The following UTRN variants were observed in gnomAD, a reference collection of about 807,000 sequenced individuals.
The protein encoded by UTRN is dystrophin-related protein 1.
Under a neutral mutation model 463.9 loss-of-function variants are expected in UTRN, and 283 were observed. The observed-to-expected ratio is 0.61, with a 90% confidence interval of 0.55 to 0.67. The LOEUF (loss-of-function observed/expected upper bound fraction) is 0.67. Ranked by LOEUF, UTRN falls within the 30% of genes least tolerant of loss-of-function variation. The pLI, the probability that UTRN is intolerant of heterozygous loss-of-function variation, is 0.00. For synonymous variants in UTRN, 1,442 were observed against 1,431.5 expected, an observed-to-expected ratio of 1.01 and a Z score of -0.17; for missense variants, 3,922 against 4,084.3, an observed-to-expected ratio of 0.96 and a Z score of 1.08.
chr6:144,521,559 G>A (rs767776019), intron 39 of UTRN, among the ~76,000 whole-genome samples: 149 of 152,148 alleles, frequency 9.8e-4, no homozygotes, highest in Non-Finnish European at 1.6e-3. Flanking sequence ...TATATTTTTA[G>A]CAATGAGGTC....
intron 66 of UTRN, among the ~76,000 whole-genome samples, chr6:144,824,112 A>C (rs1417016972): frequency 7.2e-5 from 11 of 152,104 alleles, no homozygotes; most frequent in Non-Finnish European, 4.4e-5. Flanking sequence ...ATAGTTTCAG[A>C]AACTGGGGTG....
chr6:144,699,857 A>G (rs1467356486), intron 52 of UTRN, among the ~76,000 whole-genome samples: 1 of 148,614 alleles, frequency 6.7e-6, no homozygotes, highest in East Asian at 1.9e-4. Context: ...GTATAAATAT[A>G]TATACTTATG....
intron 61 of UTRN, among the ~76,000 whole-genome samples, chr6:144,786,221 G>T (rs1215303681): frequency 6.6e-6 from 1 of 152,070 alleles, no homozygotes; most frequent in Non-Finnish European, 1.5e-5. Flanking sequence ...CACGTAACCT[G>T]TACAGTTCAG....
chr6:144,611,481 TA>T lies in UTRN; in HGVS notation c.7479+34199del, dbSNP rs1805518632. 4.6e-5 allele frequency among the ~76,000 whole-genome samples: 7 copies of T among 152,170 alleles called. No individual in the cohort carries two copies. In the South Asian group the frequency reaches 1.5e-3, roughly 32 times the overall value. Reference sequence around the variant, plus strand: ...GTATAGAAAACCCTAATGATTCCACTAAAAAACTTCTAGGACTGATTAATAA... The same window carrying T: ...GTATAGAAAACCCTAATGATTCCACTAAAAACTTCTAGGACTGATTAATAA... On this transcript the variant is annotated intron_variant, in intron 51 of 74. Transcript: ENST00000367545.
At chr6:144,608,818 T>A (rs74646586) in intron 51 of UTRN, among the ~76,000 whole-genome samples, 5,767 of 152,234 alleles carry the variant, frequency 0.038, 383 homozygotes, top group African/African-American at 0.13. Context: ...TTTGTTTGGG[T>A]TTGAGAAGAG....
At chr6:144,796,798 C>A (rs1263118372) in intron 63 of UTRN, among the ~76,000 whole-genome samples, 1 of 152,178 alleles carries the variant, frequency 6.6e-6, no homozygotes, top group Non-Finnish European at 1.5e-5. Context: ...GAATTGATGT[C>A]ATGGGTTATT....
intron 2 of UTRN, among the ~76,000 whole-genome samples, chr6:144,307,853 A>G (rs1281180883): frequency 1.3e-5 from 2 of 151,380 alleles, no homozygotes; most frequent in African/African-American, 4.9e-5. Context: ...CTTGGGCTTC[A>G]TCAAGCTCAG....
At chr6:144,477,477 A>G (rs1791339419) in intron 25 of UTRN, among the ~76,000 whole-genome samples, 2 of 152,108 alleles carry the variant, frequency 1.3e-5, no homozygotes, top group South Asian at 4.1e-4. Context: ...CCATCCATTC[A>G]GAGACTTGCT....
At chr6:144,790,985 G>A (rs1442850423) in intron 62 of UTRN, among the ~76,000 whole-genome samples, 1 of 152,124 alleles carries the variant, frequency 6.6e-6, no homozygotes, top group Non-Finnish European at 1.5e-5. Flanking sequence ...TGAAATTTCT[G>A]ATATTTAATT....
At chr6:144,527,146 T>C (rs1796639968) in intron 41 of UTRN, among the ~76,000 whole-genome samples, 1 of 152,184 alleles carries the variant, frequency 6.6e-6, no homozygotes, top group Non-Finnish European at 1.5e-5. Context: ...TTTCTAGGAT[T>C]TGTTTCAAGA....
intron 2 of UTRN, among the ~76,000 whole-genome samples, chr6:144,389,788 A>G (rs1781749539): frequency 6.6e-6 from 1 of 152,078 alleles, no homozygotes; most frequent in Admixed American, 6.5e-5. Flanking sequence ...TGCTAGAGAC[A>G]GGGTTTTACC....
chr6:144,368,639 TG>T (rs1024384414), intron 2 of UTRN, among the ~76,000 whole-genome samples: 1 of 152,026 alleles, frequency 6.6e-6, no homozygotes, highest in Non-Finnish European at 1.5e-5. Context: ...CTGGGTGTGG[TG>T]GTGCACGCCT....
At chr6:144,361,596 T>A (rs1389192154) in intron 2 of UTRN, among the ~76,000 whole-genome samples, 2 of 151,922 alleles carry the variant, frequency 1.3e-5, no homozygotes, top group Non-Finnish European at 2.9e-5. Flanking sequence ...ATTTATTTAT[T>A]TATCTTTTTT....
intron 2 of UTRN, among the ~76,000 whole-genome samples, chr6:144,401,074 G>T (rs1218805267): frequency 6.6e-6 from 1 of 152,140 alleles, no homozygotes; most frequent in African/African-American, 2.4e-5. Context: ...TTAAGAAAAT[G>T]TAAAATGTAG....
chr6:144,455,133 A>G (rs779182438), intron 19 of UTRN, among the ~76,000 whole-genome samples: 18 of 152,114 alleles, frequency 1.2e-4, no homozygotes, highest in Non-Finnish European at 2.4e-4. Context: ...ACACATACAC[A>G]CAAAATATGG....
intron 51 of UTRN, among the ~76,000 whole-genome samples, chr6:144,607,036 A>G (rs1804925468): frequency 6.6e-6 from 1 of 152,194 alleles, no homozygotes; most frequent in African/African-American, 2.4e-5. Context: ...AAAGTGAAAG[A>G]AGAAAAGTAA....
intron 23 of UTRN, among the ~76,000 whole-genome samples, chr6:144,467,599 T>C (rs1323842222): frequency 6.6e-6 from 1 of 152,156 alleles, no homozygotes; most frequent in Non-Finnish European, 1.5e-5. Context: ...ATGGACTTGC[T>C]CTGACCCGGA....
At chr6:144,508,521 C>T (rs752914010) in intron 34 of UTRN, among the ~76,000 whole-genome samples, 3 of 152,190 alleles carry the variant, frequency 2.0e-5, no homozygotes, top group East Asian at 1.9e-4. Context: ...CAACCTCTTG[C>T]GCTTCCCTGG....
intron 54 of UTRN, among the ~76,000 whole-genome samples, chr6:144,733,064 T>G (rs1414512463): frequency 6.6e-6 from 1 of 152,178 alleles, no homozygotes; most frequent in Non-Finnish European, 1.5e-5. Context: ...ATGCAGCAAT[T>G]AGGCATATAA....
Sources: gnomAD v4.1 joint callset for allele counts (sites outside exome capture counted in the v4.1 genomes callset) on GRCh38, gnomAD v4.1.1 for gene constraint, MANE v1.5 for transcripts, NCBI Gene and HGNC (gene_info 2026-07-23, HGNC 2026-07-21) for gene names.